MAP3K19: variants seen among roughly 807,000 people sequenced by gnomAD.
The protein encoded by MAP3K19 is SPS1/STE20-related protein kinase YSK4.
MAP3K19 carries 91 observed loss-of-function variants against 114.4 expected under a neutral mutation model. The ratio of observed to expected loss-of-function variants is 0.80; its 90% confidence interval spans 0.67 to 0.95. The LOEUF is 0.95. MAP3K19 is among the 40% of genes least tolerant of loss of function. MAP3K19 has a pLI of 0.00. For synonymous variants in MAP3K19, 518 were observed against 530.5 expected, an observed-to-expected ratio of 0.98 and a Z score of 0.32; for missense variants, 1,471 against 1,573.2, an observed-to-expected ratio of 0.94 and a Z score of 1.10.
chr2:134,975,464 G>A (rs957723584), intron 12 of MAP3K19, among the ~76,000 whole-genome samples: 1 of 152,176 alleles, frequency 6.6e-6, no homozygotes, highest in Non-Finnish European at 1.5e-5. Flanking sequence ...GCTGGGCCAG[G>A]CTTGGTTGAC....
intron 2 of MAP3K19, among the ~76,000 whole-genome samples, chr2:135,038,891 G>T (rs1288989676): frequency 1.3e-5 from 2 of 151,938 alleles, no homozygotes; most frequent in Admixed American, 1.3e-4. Context: ...AGCATATATA[G>T]TGTGAGTTTG....
chr2:134,991,385 G>A (rs1685563873), intron 9 of MAP3K19, 152 bp downstream of exon 9: 1 of 691,556 alleles, frequency 1.4e-6, no homozygotes, highest in South Asian at 1.6e-5. Flanking sequence ...CAAAGCTTAT[G>A]TGTGGATTTT....
At chr2:134,980,089 G>GA (rs1684526469) in intron 12 of MAP3K19, among the ~76,000 whole-genome samples, 1 of 152,178 alleles carries the variant, frequency 6.6e-6, no homozygotes, top group Non-Finnish European at 1.5e-5. Context: ...CTAGGTAGGT[G>GA]GGTTTGGGGC....
rs35219224 is a variant in MAP3K19 at position 134,982,113 on chromosome 2, C to CTT, written c.3223-597_3223-596dup. On this transcript the variant is annotated intron_variant, in intron 11 of 12. Coordinates refer to ENST00000392915, the MANE Select transcript of MAP3K19 (RefSeq NM_025052.5). The stretch of plus-strand genomic sequence containing the variant: ...GAGCCACCGTGCTACCTTTTTCTTT[C>CTT]TTTTTTTTTTTTTTTTTTTTTGGAG... 7.8e-3 allele frequency among the ~76,000 whole-genome samples: 595 copies of CTT among 76,312 alleles called. 19 individuals are homozygous for CTT. Among genetic ancestry groups the CTT allele is most frequent in the Middle Eastern group, 0.027 (2 of 74 alleles). 50.1% of individuals were successfully genotyped at this position (76,312 alleles called of 152,430 possible). A position where few individuals can be genotyped will look rare whatever the true frequency, so the allele number is the denominator to read the frequency against.
chr2:134,977,047 GAAAAAAA>G (rs369837575), intron 12 of MAP3K19, among the ~76,000 whole-genome samples: 2 of 116,200 alleles, frequency 1.7e-5, no homozygotes, highest in African/African-American at 3.2e-5. Flanking sequence ...CTCCGTCTCG[GAAAAAAA>G]AAAAAAAAAA....
chr2:134,983,341 T>C (rs749000727), intron 11 of MAP3K19: 1 of 564,862 alleles, frequency 1.8e-6, no homozygotes, highest in Non-Finnish European at 3.6e-6. Context: ...CCTGGGAGGA[T>C]GAGAGGTTAG....
chr2:134,976,290 C>A (rs577819048), intron 12 of MAP3K19, among the ~76,000 whole-genome samples: 123 of 152,318 alleles, frequency 8.1e-4, no homozygotes, highest in Admixed American at 3.0e-3. Context: ...ACATGGTTTC[C>A]AGGCAGCTCC....
At chr2:135,031,012 A>G (rs1200936923) in intron 2 of MAP3K19, among the ~76,000 whole-genome samples, 1 of 152,208 alleles carries the variant, frequency 6.6e-6, no homozygotes, top group Non-Finnish European at 1.5e-5. Flanking sequence ...TTCTAGAAAG[A>G]GAGTAAACTC....
chr2:134,997,410 G>A (rs151291735), intron 8 of MAP3K19, among the ~76,000 whole-genome samples: 25 of 152,320 alleles, frequency 1.6e-4, no homozygotes, highest in African/African-American at 5.8e-4. Context: ...TTCTGGGGAT[G>A]AATAGTTGTG....
chr2:135,024,656 C>T lies in MAP3K19; in HGVS notation c.-9G>A, dbSNP rs756345383. The T allele has an allele frequency of 6.2e-7, 1 of 1,612,838 alleles. No individual in the cohort carries two copies. Among genetic ancestry groups the T allele is most frequent in the East Asian group, 2.2e-5 (1 of 44,840 alleles). ...TTTGGCATAGAACTCATTAAAATGT[C>T]CAAAAGCTGCTGTTTCTTTGAACTC... On this transcript the variant is annotated 5_prime_UTR_variant, in exon 4 of 13. Transcript: ENST00000392915.
rs952625841 is a variant in MAP3K19, at chr2:134,999,326, A to G, written c.315-329T>C. 2.6e-5 allele frequency among the ~76,000 whole-genome samples: 4 copies of G among 152,202 alleles called. No homozygotes were observed. The highest frequency in any genetic ancestry group is 4.4e-5 in the Non-Finnish European group (3 of 68,042). On this transcript the variant is annotated intron_variant, in intron 7 of 12. Coordinates refer to ENST00000392915, the MANE Select transcript of MAP3K19 (RefSeq NM_025052.5). This position sits in a 1 kb window ranked among gnomAD's most constrained non-coding sequence, Gnocchi z 4.1. Reference sequence around the variant, plus strand: ...TATCTCCACAGGTACTGACTAGCCCAGTGTTTCTCAAACTATTTTTGATGA... The same window carrying G: ...TATCTCCACAGGTACTGACTAGCCCGGTGTTTCTCAAACTATTTTTGATGA...
chr2:134,988,345 C>T, intron 9 of MAP3K19, 92 bp from the exon 10 acceptor site: 1 of 1,092,082 alleles, frequency 9.2e-7, no homozygotes, highest in Non-Finnish European at 1.3e-6. Context: ...TTATAATATC[C>T]TCTTAAGGAA....
rs1559143658 is a variant in MAP3K19 at position 134,981,339 on chromosome 2, G to A, written c.3402C>T (p.Asn1134=). 1 of 1,614,188 alleles carries A rather than the reference G, an allele frequency of 6.2e-7. No homozygotes were observed. The highest frequency in any genetic ancestry group is 1.3e-5 in the African/African-American group (1 of 75,048). Residue 1134 remains asparagine, a synonymous_variant, in exon 12 of 13, where the codon AAC becomes AAT. Transcript: ENST00000392915. ...VAYLGTCLQE[N]TVSIFMEFVP... Reference sequence around the variant, plus strand: ...CAAACTCCATGAAAATGCTCACAGTGTTCTCTTGCAAGCATGTCCCCAAAT... The same window carrying A: ...CAAACTCCATGAAAATGCTCACAGTATTCTCTTGCAAGCATGTCCCCAAAT...
intron 2 of MAP3K19, among the ~76,000 whole-genome samples, chr2:135,035,535 C>T (rs550074497): frequency 1.3e-5 from 2 of 152,218 alleles, no homozygotes; most frequent in Non-Finnish European, 2.9e-5. Flanking sequence ...TATCGGGTTT[C>T]TTTTTATCTT....
In MAP3K19 at chr2:135,005,514, A is replaced by C. The variant is rs781390761; in HGVS notation, c.156T>G (p.Gly52=). The change falls in exon 6 of 13, where the codon GGT becomes GGG. Residue 52 remains glycine, a synonymous_variant. Transcript: ENST00000392915. The part of the protein sequence containing the change: ...ISRSEEFDQD[G]DCSHSTLVNE... ...TAACCAGTGTGGAATGACTGCAGTC[A>C]CCATCTTGGTCGAACTCCTGCAATA... is the stretch of plus-strand genomic sequence containing the variant. 1 of 1,614,010 alleles carries C rather than the reference A, an allele frequency of 6.2e-7. No homozygotes were observed. The highest frequency in any genetic ancestry group is 1.7e-5 in the Admixed American group (1 of 60,028).
At chr2:135,029,939 T>C (rs1338793118) in intron 3 of MAP3K19, among the ~76,000 whole-genome samples, 2 of 152,170 alleles carry the variant, frequency 1.3e-5, no homozygotes, top group East Asian at 3.9e-4. Context: ...ATAAAGATAA[T>C]AACAGCAACT....
chr2:134,964,996 T>C (rs1683239686), intron 12 of MAP3K19, 80 bp from the exon 13 acceptor site: 2 of 1,073,878 alleles, frequency 1.9e-6, no homozygotes, highest in East Asian at 2.6e-5. Flanking sequence ...ATGTGAACTT[T>C]TAAAGACGGA....
intron 5 of MAP3K19, among the ~76,000 whole-genome samples, chr2:135,019,811 C>G (rs1048127038): frequency 6.6e-6 from 1 of 152,140 alleles, no homozygotes; most frequent in Non-Finnish European, 1.5e-5. Flanking sequence ...TAGGCAATCA[C>G]TGTTGCCAGT....
At chr2:135,025,393 T>C (rs1688220151) in intron 3 of MAP3K19, among the ~76,000 whole-genome samples, 1 of 139,702 alleles carries the variant, frequency 7.2e-6, no homozygotes, top group Non-Finnish European at 1.5e-5. Context: ...TTTTTTTTTT[T>C]TTTTTTTTTT....
Sources: allele counts gnomAD v4.1 joint callset (sites outside exome capture counted in the v4.1 genomes callset), GRCh38; gene constraint gnomAD v4.1.1; non-coding constraint Gnocchi (gnomAD v3.1); transcripts MANE v1.5; gene names NCBI Gene and HGNC (gene_info 2026-07-23, HGNC 2026-07-21).